Variants in PDE10A observed in about 807,000 individuals in gnomAD.
PDE10A encodes cAMP and cAMP-inhibited cGMP 3',5'-cyclic phosphodiesterase 10A.
In PDE10A, 39 loss-of-function variants were observed where a neutral mutation model predicts 97.7. The observed-to-expected ratio is 0.40, with a 90% CI of 0.31 to 0.52. PDE10A has a LOEUF of 0.52. Ranked by LOEUF, PDE10A falls within the 20% of genes least tolerant of loss-of-function variation. The pLI, the probability that PDE10A is intolerant of heterozygous loss-of-function variation, is 0.56. For synonymous variants in PDE10A, 371 were observed against 376.8 expected, an observed-to-expected ratio of 0.98 and a Z score of 0.18; for missense variants, 731 against 1,047.8, an observed-to-expected ratio of 0.70 and a Z score of 4.17.
At chr6:165,541,847 C>T (rs1200297223) in intron 2 of PDE10A, among the ~76,000 whole-genome samples, 1 of 152,132 alleles carries the variant, frequency 6.6e-6, no homozygotes, top group Non-Finnish European at 1.5e-5. Flanking sequence ...CAGGCATACA[C>T]ATACAAACAC....
chr6:165,535,702 C>T (rs748768432), intron 2 of PDE10A, among the ~76,000 whole-genome samples: 14 of 150,858 alleles, frequency 9.3e-5, no homozygotes, highest in Non-Finnish European at 1.8e-4. Flanking sequence ...AATAGTGCTG[C>T]AATAAACATA....
chr6:165,951,846 A>C (rs561032347), intron 1 of PDE10A, among the ~76,000 whole-genome samples: 11 of 152,262 alleles, frequency 7.2e-5, no homozygotes, highest in African/African-American at 2.6e-4. Context: ...TTCATTCAAC[A>C]AGCTTTTACT....
At chr6:165,489,632 G>A (rs541150913) in intron 2 of PDE10A, among the ~76,000 whole-genome samples, 53 of 152,222 alleles carry the variant, frequency 3.5e-4, no homozygotes, top group Middle Eastern at 3.4e-3. Context: ...AATTCAGGTC[G>A]ACTATTAAGC....
At chr6:165,349,773 C>T (rs577215473) in intron 18 of PDE10A, among the ~76,000 whole-genome samples, 1 of 152,306 alleles carries the variant, frequency 6.6e-6, no homozygotes, top group East Asian at 1.9e-4. Context: ...CCAGCTGCTT[C>T]AACTCCAGTG....
chr6:165,823,524 A>G (rs12203429), intron 1 of PDE10A, among the ~76,000 whole-genome samples: 9,614 of 78,974 alleles, frequency 0.12, 1,003 homozygotes, highest in Middle Eastern at 0.2. Flanking sequence ...ATATATATAT[A>G]TGAACCTTAA....
intron 1 of PDE10A, among the ~76,000 whole-genome samples, chr6:165,807,038 A>G (rs144210782): frequency 1.1e-3 from 174 of 152,210 alleles, no homozygotes; most frequent in African/African-American, 4.0e-3. Flanking sequence ...CTCAATCTTC[A>G]TCACATGGAG....
chr6:165,850,325 A>G (rs1780541628), intron 1 of PDE10A, among the ~76,000 whole-genome samples: 1 of 152,156 alleles, frequency 6.6e-6, no homozygotes, highest in Admixed American at 6.5e-5. Context: ...TTATGCAAAG[A>G]TTTTTGACCT....
intron 1 of PDE10A, among the ~76,000 whole-genome samples, chr6:165,627,994 T>C (rs1321953443): frequency 6.6e-6 from 1 of 152,230 alleles, no homozygotes; most frequent in Non-Finnish European, 1.5e-5. Context: ...CCTTGGGGCT[T>C]ACCTGGAATA....
At chr6:165,774,123 A>G (rs1778095052) in intron 1 of PDE10A, among the ~76,000 whole-genome samples, 1 of 152,230 alleles carries the variant, frequency 6.6e-6, no homozygotes. Flanking sequence ...GCTCCCTCTG[A>G]AAGCCAAATA....
intron 1 of PDE10A, among the ~76,000 whole-genome samples, chr6:165,872,820 G>A (rs919851166): frequency 1.2e-4 from 19 of 152,144 alleles, no homozygotes; most frequent in African/African-American, 4.6e-4. Flanking sequence ...ACTAATAGGG[G>A]ATCAGTAACC....
rs372016179 is a variant in PDE10A at position 165,593,197 on chromosome 6, G to C, written c.866-49629C>G. The stretch of plus-strand genomic sequence containing the variant: ...CATCATTCTCAGCAAACTAACACAG[G>C]AACAGAAAACGAAACACTGCATGTT... On this transcript the variant is annotated intron_variant, in intron 1 of 21. Transcript: ENST00000539869. Among the ~76,000 whole-genome samples, 14 of 152,208 alleles carry C rather than the reference G, an allele frequency of 9.2e-5. No homozygotes were observed. The East Asian group carries it at 9.7e-4, about 10-fold the overall frequency.
intron 1 of PDE10A, among the ~76,000 whole-genome samples, chr6:165,907,799 G>T (rs1351227987): frequency 6.7e-6 from 1 of 148,682 alleles, no homozygotes; most frequent in East Asian, 1.9e-4. Context: ...GCCCAGAGCA[G>T]CATGGGTGAG....
chr6:165,977,972 A>AAG (rs746677366), intron 1 of PDE10A, among the ~76,000 whole-genome samples: 3 of 152,236 alleles, frequency 2.0e-5, no homozygotes, highest in Non-Finnish European at 4.4e-5. Flanking sequence ...GTTTGAAGAA[A>AAG]AGAACCCAGG....
intron 13 of PDE10A, among the ~76,000 whole-genome samples, chr6:165,404,837 C>T (rs1786991711): frequency 6.8e-6 from 1 of 147,434 alleles, no homozygotes; most frequent in African/African-American, 2.6e-5. Flanking sequence ...ATGGAAACCA[C>T]AGTACCAAAA....
chr6:165,498,909 T>C (rs1780707846), intron 2 of PDE10A, among the ~76,000 whole-genome samples: 1 of 152,232 alleles, frequency 6.6e-6, no homozygotes, highest in Admixed American at 6.5e-5. Flanking sequence ...AAAATTAAAA[T>C]AGCAGCTCTA....
Position 165,390,541 on chromosome 6 carries a change from G to A in PDE10A, c.2455-2088C>T, listed in dbSNP as rs117302724. Among the ~76,000 whole-genome samples, 819 of 152,232 alleles carry A rather than the reference G, an allele frequency of 5.4e-3. 2 individuals carry two copies. Among genetic ancestry groups the A allele is most frequent in the Non-Finnish European group, 8.6e-3 (583 of 68,010 alleles). ...CAGATGGCAATGATCCAGAAAAGAG[G>A]GGTGAAAGCATGATAATGGAGGAGA... On this transcript the variant is annotated intron_variant, in intron 16 of 21. Transcript: ENST00000539869.
chr6:165,447,215 C>T (rs185217420), intron 5 of PDE10A, among the ~76,000 whole-genome samples: 87 of 152,328 alleles, frequency 5.7e-4, no homozygotes, highest in Non-Finnish European at 1.0e-3. Flanking sequence ...AGGGTTCCTG[C>T]TGCCTGCACC....
chr6:165,760,583 G>C (rs1793226481), intron 1 of PDE10A, among the ~76,000 whole-genome samples: 1 of 152,182 alleles, frequency 6.6e-6, no homozygotes, highest in Non-Finnish European at 1.5e-5. Context: ...TAACTTGTGT[G>C]TGCTCAGAAT....
intron 1 of PDE10A, among the ~76,000 whole-genome samples, chr6:165,779,747 G>T (rs1337138029): frequency 6.6e-6 from 1 of 152,172 alleles, no homozygotes; most frequent in African/African-American, 2.4e-5. Flanking sequence ...GTGTTCGACT[G>T]CTGTGATGCA....
Sources: gnomAD v4.1 joint callset for allele counts (sites outside exome capture counted in the v4.1 genomes callset) on GRCh38, gnomAD v4.1.1 for gene constraint, MANE v1.5 for transcripts, NCBI Gene and HGNC (gene_info 2026-07-23, HGNC 2026-07-21) for gene names.